Variants in MRNIP observed in about 807,000 individuals in gnomAD.
The protein encoded by MRNIP is MRN complex interacting protein.
MRNIP carries 30 observed loss-of-function variants against 29.8 expected under a neutral mutation model. The ratio of observed to expected loss-of-function variants is 1.01; its 90% confidence interval spans 0.75 to 1.36. The LOEUF (loss-of-function observed/expected upper bound fraction) is 1.36. MRNIP is among the 40% of genes most tolerant of loss of function. The pLI is 0.00. For missense variants in MRNIP, 459 were observed against 423.5 expected, an observed-to-expected ratio of 1.08 and a Z score of -0.74; for synonymous variants, 201 against 164.1, an observed-to-expected ratio of 1.23 and a Z score of -1.72.
intron 2 of MRNIP, among the ~76,000 whole-genome samples, chr5:179,852,919 T>A (rs532202057): frequency 6.6e-6 from 1 of 152,270 alleles, no homozygotes; most frequent in East Asian, 1.9e-4. Flanking sequence ...GAGCCCACTA[T>A]CCCACACCTC....
chr5:179,847,314 T>C (rs115831925), intron 3 of MRNIP: 10,335 of 152,028 alleles, frequency 0.068, 657 homozygotes, highest in African/African-American at 0.17. Context: ...ATCACAGGCA[T>C]GCAACATCAT....
At chr5:179,837,908 C>T (rs763544769) in intron 6 of MRNIP, 23 bp from the exon 7 acceptor site, 3 of 1,592,926 alleles carry the variant, frequency 1.9e-6, no homozygotes, top group East Asian at 2.2e-5. Context: ...ATGGCCATGC[C>T]CTCCATGTGT....
In MRNIP at chr5:179,853,500, G is replaced by A. The variant is rs970512250; in HGVS notation, c.67-63C>T. On this transcript the variant is annotated intron_variant, in intron 1 of 6. Transcript: ENST00000292586. ...TTTAAAACAAAATGGAATTGGGCTGGACTCGGTGGCTCATGCCTGTAATCC... is the reference window on the plus strand; with the variant it reads ...TTTAAAACAAAATGGAATTGGGCTGAACTCGGTGGCTCATGCCTGTAATCC... 1.7e-5 allele frequency: 23 copies of A among 1,392,234 alleles called. No homozygotes were observed. In the African/African-American group the frequency reaches 2.0e-4, roughly 12 times the overall value. 86.2% of individuals were successfully genotyped at this position (1,392,234 alleles called of 1,614,324 possible).
At chr5:179,851,574 T>C (rs1582054007) in intron 2 of MRNIP, 3 of 401,784 alleles carry the variant, frequency 7.5e-6, no homozygotes, top group East Asian at 7.3e-5. Flanking sequence ...GATGAAGTTC[T>C]GCCCTTGGAT....
chr5:179,846,750 A>T (rs155794), intron 3 of MRNIP, among the ~76,000 whole-genome samples: 9,966 of 152,216 alleles, frequency 0.065, 364 homozygotes, highest in Middle Eastern at 0.13. Flanking sequence ...TATTTCCAAA[A>T]TCTTAGAGAT....
rs1759710604 is a variant in MRNIP, at chr5:179,858,710, G to A, written c.66+21C>T. ...CTGTCCCCGCGCCGGAGGAGGAGGA[G>A]GGGGCTGGCACCCGCCAGACCTGGT... On this transcript the variant is annotated intron_variant, in intron 1 of 6. Coordinates refer to ENST00000292586, the MANE Select transcript of MRNIP (RefSeq NM_016175.4). 2.8e-6 allele frequency: 4 copies of A among 1,452,086 alleles called. No homozygotes were observed. In the African/African-American group the frequency reaches 4.3e-5, roughly 15 times the overall value. 90.0% of individuals were successfully genotyped at this position (1,452,086 alleles called of 1,614,324 possible). A position where few individuals can be genotyped will look rare whatever the true frequency, so the allele number is the denominator to read the frequency against.
In MRNIP at chr5:179,837,886, C is replaced by CT; in HGVS notation, c.538-2dup. 1 of 1,601,874 alleles carries CT rather than the reference C, an allele frequency of 6.2e-7. No homozygotes were observed. Among genetic ancestry groups the CT allele is most frequent in the Non-Finnish European group, 8.5e-7 (1 of 1,178,110 alleles). Reference sequence around the variant, plus strand: ...CCTTCCATGTCAGGCCAGCCTGTCCCTGAAAGAGAAGATGGCCATGCCCTC... The same window carrying CT: ...CCTTCCATGTCAGGCCAGCCTGTCCCTTGAAAGAGAAGATGGCCATGCCCTC... On this transcript the variant is annotated splice_acceptor_variant, in intron 6 of 6. Coordinates refer to ENST00000292586, the MANE Select transcript of MRNIP (RefSeq NM_016175.4). LOFTEE classifies it high-confidence loss of function.
chr5:179,845,443 C>T (rs1432218036), intron 3 of MRNIP, among the ~76,000 whole-genome samples: 1 of 151,876 alleles, frequency 6.6e-6, no homozygotes, highest in Non-Finnish European at 1.5e-5. Flanking sequence ...GCCACTGCAC[C>T]CGGCCTGAAA....
chr5:179,853,153 G>T, intron 2 of MRNIP: 1 of 1,340,926 alleles, frequency 7.5e-7, no homozygotes, highest in Non-Finnish European at 1.0e-6. Context: ...CACACAGAAA[G>T]TACTCAAGAA....
chr5:179,857,060 C>T lies in MRNIP; in HGVS notation c.66+1671G>A, dbSNP rs1038445355. Among the ~76,000 whole-genome samples, 3 of 152,132 alleles carry T rather than the reference C, an allele frequency of 2.0e-5. No individual in the cohort carries two copies. The South Asian group carries it at 6.2e-4, about 32-fold the overall frequency. On this transcript the variant is annotated intron_variant, in intron 1 of 6. Coordinates refer to ENST00000292586, the MANE Select transcript of MRNIP (RefSeq NM_016175.4). ...GTGATTGTTACCACTGCACTCCAAT[C>T]TGGGCGACAAAGCGAGACCTTGTCT...
Position 179,842,042 on chromosome 5 carries a change from C to T in MRNIP, c.314G>A (p.Ser105Asn), listed in dbSNP as rs761572908. The change falls in exon 5 of 7, where the codon AGT becomes AAT. Residue 105 changes from serine (S) to asparagine (N), a missense_variant. Physicochemically the swap from Ser to Asn is conservative, Grantham distance 46 (BLOSUM62 1). Transcript: ENST00000292586. ...CTTTTCTAGATACTTCAGCCAGCGACTCTCTGAGGGCTGCGATTTTTCCTG... is the reference window on the plus strand; with the variant it reads ...CTTTTCTAGATACTTCAGCCAGCGATTCTCTGAGGGCTGCGATTTTTCCTG... Reference protein sequence around the residue: ...KQQEKSQPSESRWLKYLEKDS... With the variant: ...KQQEKSQPSENRWLKYLEKDS... 14 of 1,613,986 alleles carry T rather than the reference C, an allele frequency of 8.7e-6. No homozygotes were observed. Among genetic ancestry groups the T allele is most frequent in the Non-Finnish European group, 1.2e-5 (14 of 1,180,022 alleles).
intron 3 of MRNIP, chr5:179,846,887 C>T (rs534415039): frequency 1.3e-5 from 2 of 152,272 alleles, no homozygotes; most frequent in East Asian, 3.9e-4. Context: ...AGGTGTCCTA[C>T]TGGTCCGCCC....
At chr5:179,850,566 C>A (rs1759326314) in intron 2 of MRNIP, among the ~76,000 whole-genome samples, 1 of 152,164 alleles carries the variant, frequency 6.6e-6, no homozygotes, top group African/African-American at 2.4e-5. Flanking sequence ...TTTAGCAACA[C>A]AGAGACCACT....
chr5:179,838,335 G>C (rs1188508496), intron 6 of MRNIP: 1 of 191,788 alleles, frequency 5.2e-6, no homozygotes, highest in Admixed American at 5.3e-5. Context: ...GATAGGACTG[G>C]TGCTGGGGTC....
chr5:179,854,098 G>C lies in MRNIP; in HGVS notation c.67-661C>G, dbSNP rs1265829204. ...TGCAGCGGCGCAATCTCGGCTCACTGCAAGCTCCCCCTCCCGGGTTCACGC... is the reference window on the plus strand; with the variant it reads ...TGCAGCGGCGCAATCTCGGCTCACTCCAAGCTCCCCCTCCCGGGTTCACGC... On this transcript the variant is annotated intron_variant, in intron 1 of 6. Transcript: ENST00000292586. 2.7e-5 allele frequency among the ~76,000 whole-genome samples: 4 copies of C among 147,748 alleles called. 1 individual carries two copies. The highest frequency in any genetic ancestry group is 7.6e-5 in the African/African-American group (3 of 39,556).
chr5:179,845,350 T>C (rs1759082824), intron 3 of MRNIP, among the ~76,000 whole-genome samples: 1 of 152,144 alleles, frequency 6.6e-6, no homozygotes, highest in Non-Finnish European at 1.5e-5. Context: ...GGTTTCACTA[T>C]GTTGGCCAGG....
intron 4 of MRNIP, among the ~76,000 whole-genome samples, chr5:179,842,536 A>C (rs138653880): frequency 0.075 from 11,235 of 149,534 alleles, 1,216 homozygotes; most frequent in African/African-American, 0.24. Context: ...ACAACAACAA[A>C]AAAAAAACAA....
chr5:179,855,332 C>T (rs146190916), intron 1 of MRNIP, among the ~76,000 whole-genome samples: 108 of 152,116 alleles, frequency 7.1e-4, no homozygotes, highest in African/African-American at 2.5e-3. Context: ...TTAGCAGAGA[C>T]AGGGTTTCAT....
intron 5 of MRNIP, 104 bp from the exon 6 acceptor site, chr5:179,841,063 T>G: frequency 1.4e-6 from 1 of 717,312 alleles, no homozygotes. Context: ...CACCTGCTTG[T>G]TCCTACGGCT....
Sources: gnomAD v4.1 joint callset for allele counts (sites outside exome capture counted in the v4.1 genomes callset) on GRCh38, gnomAD v4.1.1 for gene constraint, MANE v1.5 for transcripts, NCBI Gene and HGNC (gene_info 2026-07-23, HGNC 2026-07-21) for gene names.